KDM3A: variants seen among roughly 807,000 people sequenced by gnomAD.
KDM3A encodes the protein lysine-specific demethylase 3A.
KDM3A carries 60 observed loss-of-function variants against 158.0 expected under a neutral mutation model. The observed-to-expected ratio is 0.38, with a 90% CI of 0.31 to 0.47. KDM3A has a LOEUF of 0.47. KDM3A is among the 20% of genes least tolerant of loss of function. The pLI, the probability that KDM3A is intolerant of heterozygous loss-of-function variation, is 0.99. For missense variants in KDM3A, 1,319 were observed against 1,574.3 expected (o/e 0.84, Z 2.74); for synonymous variants, 608 against 549.3 (o/e 1.11, Z -1.49).
chr2:86,463,559 C>T (rs1673010433), intron 8 of KDM3A, among the ~76,000 whole-genome samples: 1 of 152,172 alleles, frequency 6.6e-6, no homozygotes, highest in Non-Finnish European at 1.5e-5. Flanking sequence ...AAGAACTGTC[C>T]TCAACTTTTA....
chr2:86,448,970 G>GT (rs902026210), intron 2 of KDM3A, among the ~76,000 whole-genome samples: 16 of 152,132 alleles, frequency 1.1e-4, no homozygotes, highest in African/African-American at 3.6e-4. Context: ...GAGTTTTATG[G>GT]TTTTGTAAAC....
chr2:86,472,929 A>G (rs1047527982), intron 11 of KDM3A, among the ~76,000 whole-genome samples: 4 of 152,102 alleles, frequency 2.6e-5, no homozygotes, highest in Admixed American at 6.5e-5. Flanking sequence ...TTCTTTACCT[A>G]ATTGTCTACC....
rs573403692 is a variant in KDM3A, at chr2:86,470,262, T to A, written c.1578T>A (p.Ser526Arg). ...CTAAACTCAAAAAGCTGCAACAGAG[T>A]GGCGAGGCCTTCGTACAGGATGATT... Reference protein sequence around the residue: ...DPAKLKKLQQSGEAFVQDDSC... With the variant: ...DPAKLKKLQQRGEAFVQDDSC... Residue 526 changes from serine to arginine, a missense_variant, in exon 11 of 26, where the codon AGT becomes AGA. Physicochemically the swap from Ser to Arg is moderately radical, Grantham distance 110. Transcript: ENST00000312912. 1 of 1,614,044 alleles carries A rather than the reference T, an allele frequency of 6.2e-7. No homozygotes were observed. The highest frequency in any genetic ancestry group is 1.1e-5 in the South Asian group (1 of 91,084).
intron 10 of KDM3A, among the ~76,000 whole-genome samples, chr2:86,468,036 C>G (rs900831283): frequency 6.6e-6 from 1 of 152,106 alleles, no homozygotes; most frequent in Non-Finnish European, 1.5e-5. Context: ...AAAAAACAAA[C>G]AAACGAAAAC....
intron 8 of KDM3A, among the ~76,000 whole-genome samples, chr2:86,458,469 C>T (rs550929787): frequency 3.0e-4 from 46 of 152,314 alleles, no homozygotes; most frequent in African/African-American, 1.1e-3. Flanking sequence ...ATTTCAAGTA[C>T]ATCCATCCAA....
intron 8 of KDM3A, among the ~76,000 whole-genome samples, chr2:86,462,222 G>A (rs1433808668): frequency 2.6e-5 from 4 of 151,762 alleles, no homozygotes; most frequent in Middle Eastern, 3.4e-3. Context: ...TAACTTGAGC[G>A]GCTTGATTTT....
chr2:86,473,759 A>G (rs891464356), intron 11 of KDM3A, among the ~76,000 whole-genome samples: 6 of 152,228 alleles, frequency 3.9e-5, no homozygotes, highest in African/African-American at 1.4e-4. Flanking sequence ...AAAAAGAAAA[A>G]GAAAAATTTT....
intron 16 of KDM3A, among the ~76,000 whole-genome samples, chr2:86,481,113 A>G (rs1673906553): frequency 1.3e-5 from 2 of 152,262 alleles, no homozygotes; most frequent in African/African-American, 2.4e-5. Context: ...GATGCAGGAA[A>G]ACATTAAGTA....
At chr2:86,451,886 T>C (rs184894624) in intron 4 of KDM3A, among the ~76,000 whole-genome samples, 29 of 152,364 alleles carry the variant, frequency 1.9e-4, no homozygotes, top group Non-Finnish European at 5.9e-5. Flanking sequence ...AGTAGACCGT[T>C]GTTTATATAC....
At chr2:86,488,476 G>A (rs935581400) in intron 21 of KDM3A, 24 of 152,210 alleles carry the variant, frequency 1.6e-4, no homozygotes, top group African/African-American at 5.3e-4. Flanking sequence ...AGAAAGGAAA[G>A]TACAACAGGG....
intron 8 of KDM3A, among the ~76,000 whole-genome samples, chr2:86,461,564 A>AGT (rs1672931723): frequency 6.6e-6 from 1 of 152,190 alleles, no homozygotes; most frequent in Non-Finnish European, 1.5e-5. Context: ...GCCCATAAAC[A>AGT]GTGTGTGTCC....
chr2:86,451,946 A>G (rs921766155), intron 4 of KDM3A, among the ~76,000 whole-genome samples: 5 of 152,216 alleles, frequency 3.3e-5, no homozygotes, highest in East Asian at 1.9e-4. Flanking sequence ...TATACAAGCA[A>G]TCCTCATTAT....
rs2104684718 is a variant in KDM3A, at chr2:86,474,978, A to T, written c.1927A>T (p.Ile643Phe). 6.2e-7 allele frequency: 1 copy of T among 1,613,894 alleles called. No homozygotes were observed. Among genetic ancestry groups the T allele is most frequent in the East Asian group, 2.2e-5 (1 of 44,870 alleles). Residue 643 changes from isoleucine (I) to phenylalanine (F), a missense_variant, in exon 12 of 26, where the codon ATT (isoleucine) becomes TTT (phenylalanine). Ile to Phe is a conservative substitution (Grantham distance 21). This residue lies in a region of KDM3A where 113 missense variants were observed against 190.5 expected (regional missense o/e 0.59). Transcript: ENST00000312912. ...VISEKEAMST[I>F]EPHRQVAWKR... ...TTCTGAAAAGGAAGCTATGTCAACT[A>T]TTGAGCCACACAGTAAGAGCATCTC...
intron 23 of KDM3A, 133 bp from the exon 24 acceptor site, chr2:86,490,748 C>T (rs570095566): frequency 4.4e-4 from 271 of 609,896 alleles, no homozygotes; most frequent in Non-Finnish European, 7.1e-4. Flanking sequence ...TACTAGTCGT[C>T]TTCTGCCAAT....
chr2:86,444,517 G>A (rs1682876162), intron 2 of KDM3A, among the ~76,000 whole-genome samples: 2 of 151,932 alleles, frequency 1.3e-5, no homozygotes, highest in South Asian at 4.1e-4. Flanking sequence ...GAGTTGGGGG[G>A]TCTTGTTGCC....
chr2:86,446,644 A>G (rs1282332016), intron 2 of KDM3A, among the ~76,000 whole-genome samples: 3 of 151,752 alleles, frequency 2.0e-5, no homozygotes, highest in African/African-American at 7.3e-5. Flanking sequence ...TGGGAGGCAG[A>G]GGATGCAGTG....
chr2:86,462,018 A>T (rs1312758365), intron 8 of KDM3A, among the ~76,000 whole-genome samples: 2 of 152,130 alleles, frequency 1.3e-5, no homozygotes, highest in Non-Finnish European at 2.9e-5. Flanking sequence ...GGTAGAAGAG[A>T]TCTTGGGTAG....
intron 2 of KDM3A, chr2:86,443,214 A>G (rs1185244087): frequency 6.6e-6 from 1 of 152,248 alleles, no homozygotes; most frequent in African/African-American, 2.4e-5. Flanking sequence ...GATGTGTTTC[A>G]GAATCTTCAC....
chr2:86,454,837 C>G (rs887918277), intron 4 of KDM3A, among the ~76,000 whole-genome samples: 6 of 152,148 alleles, frequency 3.9e-5, no homozygotes, highest in Non-Finnish European at 7.3e-5. Flanking sequence ...TTGAGTTCCT[C>G]TTAATATTTC....
Sources: allele counts gnomAD v4.1 joint callset (sites outside exome capture counted in the v4.1 genomes callset), GRCh38; gene constraint gnomAD v4.1.1; regional missense constraint gnomAD v4.1.1; transcripts MANE v1.5; gene names NCBI Gene and HGNC (gene_info 2026-07-23, HGNC 2026-07-21).